The following CDH12 variants were observed in gnomAD, a reference collection of about 807,000 sequenced individuals.
The protein encoded by CDH12 is cadherin-12.
Under a neutral mutation model 74.1 loss-of-function variants are expected in CDH12, and 41 were observed. That is an observed-to-expected ratio of 0.55 (90% CI 0.43 to 0.72). The LOEUF is 0.72. Ranked by LOEUF, CDH12 falls within the 30% of genes least tolerant of loss-of-function variation. The pLI is 0.00. For synonymous variants in CDH12, 399 were observed against 355.0 expected, an observed-to-expected ratio of 1.12 and a Z score of -1.39; for missense variants, 945 against 977.2, an observed-to-expected ratio of 0.97 and a Z score of 0.44.
intron 5 of CDH12, among the ~76,000 whole-genome samples, chr5:22,034,288 GC>G (rs1318671232): frequency 4.6e-5 from 7 of 152,188 alleles, no homozygotes; most frequent in African/African-American, 1.7e-4. Flanking sequence ...GCCCACCTCG[GC>G]CTCCCAGCAT....
At chr5:21,813,552 A>C (rs952311593) in intron 9 of CDH12, among the ~76,000 whole-genome samples, 5 of 152,162 alleles carry the variant, frequency 3.3e-5, no homozygotes, top group African/African-American at 1.2e-4. Flanking sequence ...TGGGCTCTCT[A>C]TATCACGATC....
At chr5:21,855,758 T>C (rs1300897702) in intron 6 of CDH12, among the ~76,000 whole-genome samples, 2 of 151,772 alleles carry the variant, frequency 1.3e-5, no homozygotes, top group East Asian at 3.9e-4. Context: ...TTAGTGAAAA[T>C]AGGATTGTTC....
chr5:22,751,405 A>C (rs1404965580), intron 1 of CDH12, among the ~76,000 whole-genome samples: 1 of 150,306 alleles, frequency 6.7e-6, no homozygotes, highest in Non-Finnish European at 1.5e-5. Flanking sequence ...GATAAATCTG[A>C]GTCCAGATCT....
chr5:22,107,480 G>GTATGTATATATACACATATAATAATTA (rs70957089), intron 4 of CDH12, among the ~76,000 whole-genome samples: 5,805 of 146,246 alleles, frequency 0.04, 157 homozygotes, highest in Admixed American at 0.063. Flanking sequence ...ATATACATAC[G>GTATGTATATATACACATATAATAATTA]TATGTATATA....
chr5:21,753,605 G>T (rs956679490), intron 14 of CDH12, among the ~76,000 whole-genome samples: 3 of 151,870 alleles, frequency 2.0e-5, no homozygotes, highest in Admixed American at 2.0e-4. Flanking sequence ...ACAAGCTAGG[G>T]GACCTAAAGG....
At chr5:22,283,229 T>TATATATATATATATAG (rs1554027663) in intron 3 of CDH12, among the ~76,000 whole-genome samples, 7 of 39,452 alleles carry the variant, frequency 1.8e-4, no homozygotes, top group Admixed American at 7.5e-4. Context: ...TATATATATA[T>TATATATATATATATAG]ATATATATAT....
chr5:22,083,466 C>A (rs913072360), intron 4 of CDH12, among the ~76,000 whole-genome samples: 14 of 152,102 alleles, frequency 9.2e-5, no homozygotes, highest in African/African-American at 3.4e-4. Flanking sequence ...CATTCTGTTC[C>A]TGGGGTCTAC....
At chr5:22,298,629 C>A (rs932498246) in intron 3 of CDH12, among the ~76,000 whole-genome samples, 1 of 152,110 alleles carries the variant, frequency 6.6e-6, no homozygotes, top group African/African-American at 2.4e-5. Context: ...AAGAACTGAG[C>A]CTCCTGTAAG....
intron 5 of CDH12, among the ~76,000 whole-genome samples, chr5:22,070,718 A>AT (rs1407105400): frequency 2.6e-5 from 4 of 152,156 alleles, no homozygotes; most frequent in African/African-American, 7.2e-5. Flanking sequence ...TTTAGCACAG[A>AT]TTTTTTCACA....
At chr5:22,589,750 A>G (rs1332506118) in intron 1 of CDH12, among the ~76,000 whole-genome samples, 2 of 152,088 alleles carry the variant, frequency 1.3e-5, no homozygotes, top group Non-Finnish European at 2.9e-5. Flanking sequence ...GCACCTGAAG[A>G]TGTGGTTCTC....
At chr5:22,012,628 T>C (rs1444342421) in intron 5 of CDH12, among the ~76,000 whole-genome samples, 1 of 151,960 alleles carries the variant, frequency 6.6e-6, no homozygotes, top group Non-Finnish European at 1.5e-5. Flanking sequence ...GTGAAAGATG[T>C]TTTTTACCTT....
intron 4 of CDH12, among the ~76,000 whole-genome samples, chr5:22,177,101 G>T (rs1364398380): frequency 6.6e-6 from 1 of 152,034 alleles, no homozygotes; most frequent in East Asian, 1.9e-4. Context: ...GAATGTAAAT[G>T]GTATTATAAA....
At chr5:22,067,600 G>A (rs78126928) in intron 5 of CDH12, among the ~76,000 whole-genome samples, 1,672 of 152,204 alleles carry the variant, frequency 0.011, 32 homozygotes, top group African/African-American at 0.039. Flanking sequence ...AGGTCCAGTG[G>A]GGGGCAGTAA....
At chr5:22,369,620 C>CATCA (rs2126337243) in intron 3 of CDH12, among the ~76,000 whole-genome samples, 1 of 152,136 alleles carries the variant, frequency 6.6e-6, no homozygotes, top group East Asian at 1.9e-4. Context: ...AAAGTGAGAG[C>CATCA]ATCAATACCT....
intron 6 of CDH12, among the ~76,000 whole-genome samples, chr5:21,922,142 T>C (rs905126368): frequency 6.6e-6 from 1 of 152,160 alleles, no homozygotes; most frequent in Non-Finnish European, 1.5e-5. Context: ...AGTTCTGAAA[T>C]AGCTTACACA....
intron 3 of CDH12, among the ~76,000 whole-genome samples, chr5:22,253,152 T>C (rs561990923): frequency 6.6e-6 from 1 of 151,954 alleles, no homozygotes; most frequent in African/African-American, 2.4e-5. Context: ...TAATACAATA[T>C]GCAATATAAT....
At chr5:22,245,055 C>T (rs918509364) in intron 3 of CDH12, among the ~76,000 whole-genome samples, 6 of 152,042 alleles carry the variant, frequency 3.9e-5, no homozygotes, top group African/African-American at 9.7e-5. Flanking sequence ...AGAGCACGCA[C>T]GAGGGGAGGT....
intron 4 of CDH12, among the ~76,000 whole-genome samples, chr5:22,092,044 G>A (rs1490201704): frequency 6.6e-6 from 1 of 150,840 alleles, no homozygotes; most frequent in Non-Finnish European, 1.5e-5. Context: ...TTATTTTAGG[G>A]TCTCTATTTT....
chr5:21,882,103 T>C lies in CDH12; in HGVS notation c.527-27313A>G, dbSNP rs997314328. Among the ~76,000 whole-genome samples the C allele has an allele frequency of 3.3e-5, 5 of 152,344 alleles. No homozygotes were observed. The East Asian group carries it at 9.6e-4, about 29-fold the overall frequency. On this transcript the variant is annotated intron_variant, in intron 6 of 14. Coordinates refer to ENST00000382254, the MANE Select transcript of CDH12 (RefSeq NM_004061.5). ...ATTGCCAGTATTTAATTAGAGCCAATGTTCAGGTTTCAGTAATACCATTTT... is the reference window on the plus strand; with the variant it reads ...ATTGCCAGTATTTAATTAGAGCCAACGTTCAGGTTTCAGTAATACCATTTT...
Sources: allele counts gnomAD v4.1 joint callset (sites outside exome capture counted in the v4.1 genomes callset), GRCh38; gene constraint gnomAD v4.1.1; transcripts MANE v1.5; gene names NCBI Gene and HGNC (gene_info 2026-07-23, HGNC 2026-07-21).